BCORL1: variants seen among roughly 807,000 people sequenced by gnomAD.
The protein encoded by BCORL1 is BCL-6 corepressor-like protein 1.
BCORL1 carries 7 observed loss-of-function variants against 87.6 expected under a neutral mutation model. That is an observed-to-expected ratio of 0.08 (90% confidence interval 0.05 to 0.15). BCORL1 has a LOEUF of 0.15. Among genes scored for constraint, BCORL1 ranks in the 10% least tolerant of loss-of-function variants. BCORL1 has a pLI of 1.00. For missense variants in BCORL1, 1,215 were observed against 1,499.7 expected (o/e 0.81, Z 3.13); for synonymous variants, 591 against 634.4 (o/e 0.93, Z 1.03).
Position 129,997,356 on chromosome X carries a change from C to T in BCORL1, c.-44-7832C>T, listed in dbSNP as rs73567687. On this transcript the variant is annotated intron_variant, in intron 1 of 13. Coordinates refer to ENST00000540052, the MANE Select transcript of BCORL1 (RefSeq NM_001379451.1). The stretch of plus-strand genomic sequence containing the variant: ...TTTTTTTCCTTTTGGTTATTGCATG[C>T]GATGGGCTTTTCTTTTATGCCTATC... 7.3e-3 allele frequency among the ~76,000 whole-genome samples: 815 copies of T among 111,231 alleles called. 6 individuals carry two copies. The highest frequency in any genetic ancestry group is 0.025 in the African/African-American group (764 of 30,598).
chrX:130,040,751 C>G (rs1012957862), intron 11 of BCORL1, among the ~76,000 whole-genome samples: 3 of 112,249 alleles, frequency 2.7e-5, no homozygotes, highest in African/African-American at 9.7e-5. Context: ...GTAGCTGCCT[C>G]CCACGTACTG....
chrX:130,034,209 TC>T lies in BCORL1; in HGVS notation c.4306-242del, dbSNP rs777821393. On this transcript the variant is annotated intron_variant, in intron 8 of 13. Transcript: ENST00000540052. ...TTGAGCATTTGAACCTCTTCATATC[TC>T]CCCACCGGCTACAAACTCATGGGAA... Among the ~76,000 whole-genome samples the T allele has an allele frequency of 1.9e-3, 207 of 111,618 alleles. 1 individual carries two copies. Among genetic ancestry groups the T allele is most frequent in the Non-Finnish European group, 2.2e-3 (119 of 53,084 alleles).
At chrX:129,991,332 C>T (rs755883649) in intron 1 of BCORL1, among the ~76,000 whole-genome samples, 34 of 110,664 alleles carry the variant, frequency 3.1e-4, no homozygotes, top group Non-Finnish European at 5.1e-4. Context: ...GTTGGCCTGG[C>T]TGGTCTCGAA....
In BCORL1 at chrX:130,056,095, C is replaced by T. The variant is rs780256078; in HGVS notation, c.5317C>T (p.Leu1773Phe). The T allele has an allele frequency of 8.4e-7, 1 of 1,191,012 alleles. No homozygotes were observed. Among genetic ancestry groups the T allele is most frequent in the Admixed American group, 2.3e-5 (1 of 43,542 alleles). Residue 1773 changes from leucine to phenylalanine, a missense_variant, in exon 14 of 14, where the codon CTC becomes TTC. Physicochemically the swap from Leu to Phe is conservative, Grantham distance 22. Around this residue, in one of 5 missense-constraint regions of BCORL1, gnomAD observed 129 missense variants for 157.5 expected, o/e 0.82. Transcript: ENST00000540052. ...LVRYEPDLLRLLGSEVEFQSC... is the reference protein window; with the variant it reads ...LVRYEPDLLRFLGSEVEFQSC... ...GCGGTACGAGCCAGACCTACTTCGG[C>T]TCCTAGGGTCCGAGGTGGAATTCCA...
At chrX:130,047,287 A>T (rs1260622944) in intron 11 of BCORL1, among the ~76,000 whole-genome samples, 1 of 111,048 alleles carries the variant, frequency 9.0e-6, no homozygotes, top group Non-Finnish European at 1.9e-5. Flanking sequence ...TTTTCAAGGA[A>T]AGGATAAGAG....
rs2071721 is a variant in BCORL1 at position 130,029,231 on chromosome X, T to A, written c.4305+370T>A. On this transcript the variant is annotated intron_variant, in intron 8 of 13. Coordinates refer to ENST00000540052, the MANE Select transcript of BCORL1 (RefSeq NM_001379451.1). ...TGAGTCAATCAAGGTAGAAAACAAC[T>A]TGTAGGAGGAAGGATTTTAAGGTCC... Among the ~76,000 whole-genome samples, 4 of 111,309 alleles carry A rather than the reference T, an allele frequency of 3.6e-5. No homozygotes were observed. The East Asian group carries it at 1.1e-3, about 32-fold the overall frequency.
chrX:130,044,172 G>A (rs1931593092), intron 11 of BCORL1, among the ~76,000 whole-genome samples: 1 of 110,103 alleles, frequency 9.1e-6, no homozygotes, highest in Non-Finnish European at 1.9e-5. Flanking sequence ...CCAAAGTGCT[G>A]GGATTACAGG....
rs1057523551 is a variant in BCORL1, at chrX:130,014,884, G to T, written c.2112G>T (p.Lys704Asn). 9 of 1,211,657 alleles carry T rather than the reference G, an allele frequency of 7.4e-6. No homozygotes were observed. The highest frequency in any genetic ancestry group is 1.1e-6 in the Non-Finnish European group (1 of 895,499). Residue 704 changes from lysine to asparagine, a missense_variant, in exon 4 of 14, where the codon AAG (lysine) becomes AAT (asparagine). Physicochemically the swap from Lys to Asn is moderately conservative, Grantham distance 94. Coordinates refer to ENST00000540052, the MANE Select transcript of BCORL1 (RefSeq NM_001379451.1). ...ATGGGGACCCGAGCACCTGGGTGAA[G>T]AACTCAACTGCACTGATCAGCACCA... ...VRNGDPSTWV[K>N]NSTALISTIP...
In BCORL1 at chrX:130,006,772, A is replaced by G. The variant is rs1431725647; in HGVS notation, c.86+1455A>G. Reference sequence around the variant, plus strand: ...TTTTTAGTAGAGACGGAGTTTTACTATGTTGGCCAGGCTGGTCTCGAACTC... The same window carrying G: ...TTTTTAGTAGAGACGGAGTTTTACTGTGTTGGCCAGGCTGGTCTCGAACTC... On this transcript the variant is annotated intron_variant, in intron 2 of 13. Transcript: ENST00000540052. Among the ~76,000 whole-genome samples, 3 of 110,456 alleles carry G rather than the reference A, an allele frequency of 2.7e-5. No individual in the cohort carries two copies. In the East Asian group the frequency reaches 8.4e-4, roughly 31 times the overall value.
chrX:130,019,942 T>G (rs1366907588), intron 4 of BCORL1, among the ~76,000 whole-genome samples: 2 of 112,428 alleles, frequency 1.8e-5, no homozygotes, highest in Non-Finnish European at 3.8e-5. Flanking sequence ...TACGTGACTG[T>G]TAGGCTGAGA....
chrX:130,029,630 G>A (rs954323678), intron 8 of BCORL1, among the ~76,000 whole-genome samples: 3 of 107,993 alleles, frequency 2.8e-5, no homozygotes, highest in Non-Finnish European at 3.8e-5. Context: ...TTTGGTGGTC[G>A]TGATTCTTAT....
rs1929434207 is a variant in BCORL1 at position 130,016,219 on chromosome X, T to C, written c.3441+6T>C. ...GGAGTTCCCACAGACCCAAGGTGAG[T>C]GCTGAGCTAAGGTCCAGGGTGGGGC... On this transcript the variant is annotated splice_donor_region_variant and intron_variant, in intron 4 of 13. Coordinates refer to ENST00000540052, the MANE Select transcript of BCORL1 (RefSeq NM_001379451.1). 1 of 1,189,358 alleles carries C rather than the reference T, an allele frequency of 8.4e-7. No homozygotes were observed. Among genetic ancestry groups the C allele is most frequent in the Non-Finnish European group, 1.1e-6 (1 of 883,696 alleles).
At chrX:129,995,886 T>G (rs1202125040) in intron 1 of BCORL1, among the ~76,000 whole-genome samples, 1 of 111,905 alleles carries the variant, frequency 8.9e-6, no homozygotes, top group Non-Finnish European at 1.9e-5. Context: ...GCAAGCTCTG[T>G]AGTAGGAGTT....
Position 130,016,151 on chromosome X carries a change from A to G in BCORL1, c.3379A>G (p.Ser1127Gly), listed in dbSNP as rs756715212. ...KKMKCGKEKD[S>G]EEQQLQPQAK... ...GATGAAGTGCGGCAAAGAGAAGGAC[A>G]GTGAAGAGCAGCAGCTCCAGCCACA... The change falls in exon 4 of 14, where the codon AGT becomes GGT. Residue 1127 changes from serine to glycine, a missense_variant. Ser to Gly is a moderately conservative substitution (Grantham distance 56). Around this residue, in one of 5 missense-constraint regions of BCORL1, gnomAD observed 861 missense variants for 1,010.0 expected, o/e 0.85. Transcript: ENST00000540052. 5 of 1,208,869 alleles carry G rather than the reference A, an allele frequency of 4.1e-6. No individual in the cohort carries two copies. In the East Asian group the frequency reaches 1.2e-4, roughly 29 times the overall value.
intron 1 of BCORL1, among the ~76,000 whole-genome samples, chrX:130,003,418 G>A (rs1381997678): frequency 4.8e-5 from 5 of 105,262 alleles, no homozygotes; most frequent in African/African-American, 7.1e-5. Flanking sequence ...TGTTGCCCAG[G>A]TTGGAGTGCA....
intron 13 of BCORL1, among the ~76,000 whole-genome samples, chrX:130,052,792 A>G: frequency 8.9e-6 from 1 of 112,219 alleles, no homozygotes; most frequent in Non-Finnish European, 1.9e-5. Context: ...ACTTTTCCGA[A>G]CAATTGTAAG....
At chrX:130,040,444 C>T (rs745978122) in intron 11 of BCORL1, among the ~76,000 whole-genome samples, 11 of 112,241 alleles carry the variant, frequency 9.8e-5, no homozygotes, top group Middle Eastern at 4.6e-3. Context: ...GAGGCTGTCG[C>T]GGGAGATCTT....
intron 8 of BCORL1, among the ~76,000 whole-genome samples, chrX:130,029,609 C>CT (rs1267433766): frequency 1.8e-5 from 2 of 108,696 alleles, no homozygotes; most frequent in Admixed American, 2.0e-4. Context: ...AAAAGCCCAT[C>CT]TTCAGCTTGT....
intron 11 of BCORL1, among the ~76,000 whole-genome samples, chrX:130,049,608 T>C (rs776184598): frequency 2.7e-5 from 3 of 112,486 alleles, no homozygotes; most frequent in Non-Finnish European, 5.6e-5. Flanking sequence ...TCCACCTGCC[T>C]CGGCCTCCCA....
Sources: gnomAD v4.1 joint callset for allele counts (sites outside exome capture counted in the v4.1 genomes callset) on GRCh38, gnomAD v4.1.1 for gene constraint, gnomAD v4.1.1 regional missense constraint, MANE v1.5 for transcripts, NCBI Gene and HGNC (gene_info 2026-07-23, HGNC 2026-07-21) for gene names.